PPARGC1B: variants seen among roughly 807,000 people sequenced by gnomAD.
PPARGC1B encodes the protein peroxisome proliferator-activated receptor gamma coactivator 1-beta.
Under a neutral mutation model 101.6 loss-of-function variants are expected in PPARGC1B, and 34 were observed. The observed-to-expected ratio is 0.33, with a 90% confidence interval of 0.25 to 0.45. PPARGC1B has a LOEUF of 0.45. PPARGC1B is among the 20% of genes least tolerant of loss of function. The pLI is 1.00. For missense variants in PPARGC1B, 1,234 were observed against 1,317.6 expected, an observed-to-expected ratio of 0.94 and a Z score of 0.98; for synonymous variants, 548 against 539.3, an observed-to-expected ratio of 1.02 and a Z score of -0.22.
intron 1 of PPARGC1B, among the ~76,000 whole-genome samples, chr5:149,804,760 C>T (rs2113301380): frequency 6.6e-6 from 1 of 152,302 alleles, no homozygotes; most frequent in Middle Eastern, 3.4e-3. Flanking sequence ...TGCGACTGAA[C>T]AGTGGGAAGG....
chr5:149,847,335 C>A, intron 11 of PPARGC1B, 123 bp from the exon 12 acceptor site: 1 of 808,850 alleles, frequency 1.2e-6, no homozygotes, highest in South Asian at 1.3e-5. Flanking sequence ...CCCAGCTCCC[C>A]AAGGCCTTGG....
At chr5:149,743,307 C>G (rs1433979438) in intron 1 of PPARGC1B, among the ~76,000 whole-genome samples, 3 of 151,984 alleles carry the variant, frequency 2.0e-5, no homozygotes, top group African/African-American at 7.2e-5. Context: ...AGACGCCCAC[C>G]ACCACGCCTG....
Position 149,836,813 on chromosome 5 carries a change from T to A in PPARGC1B, c.2358T>A (p.Pro786=). The A allele has an allele frequency of 1.2e-6, 2 of 1,613,456 alleles. No individual in the cohort carries two copies. Among genetic ancestry groups the A allele is most frequent in the Non-Finnish European group, 1.7e-6 (2 of 1,180,006 alleles). ...EEEDLASCKS[P]EYDTVFEDSS... is the part of the protein sequence containing the mutation. Reference sequence around the variant, plus strand: ...AAGACCTGGCCTCCTGCAAGAGCCCTGAGTATGACACTGTCTTTGAAGACA... The same window carrying A: ...AAGACCTGGCCTCCTGCAAGAGCCCAGAGTATGACACTGTCTTTGAAGACA... Residue 786 remains proline, a synonymous_variant, in exon 8 of 12, where the codon CCT becomes CCA. Coordinates refer to ENST00000309241, the MANE Select transcript of PPARGC1B (RefSeq NM_133263.4).
rs574975315 is a variant in PPARGC1B, at chr5:149,806,329, G to T, written c.79-14104G>T. On this transcript the variant is annotated intron_variant, in intron 1 of 11. Coordinates refer to ENST00000309241, the MANE Select transcript of PPARGC1B (RefSeq NM_133263.4). ...TGAAGGTGTGCACTGGCATCTTGCTGCCCTGTTGAGCATGACATTTCCTTA... is the reference window on the plus strand; with the variant it reads ...TGAAGGTGTGCACTGGCATCTTGCTTCCCTGTTGAGCATGACATTTCCTTA... Among the ~76,000 whole-genome samples the T allele has an allele frequency of 3.3e-5, 5 of 152,336 alleles. No individual in the cohort carries two copies. In the South Asian group the frequency reaches 6.2e-4, roughly 19 times the overall value.
intron 1 of PPARGC1B, among the ~76,000 whole-genome samples, chr5:149,807,628 C>T (rs1160962610): frequency 6.6e-6 from 1 of 152,166 alleles, no homozygotes; most frequent in Non-Finnish European, 1.5e-5. Context: ...TTTTGTAACT[C>T]ACCTCAAAGC....
Position 149,773,858 on chromosome 5 carries a change from ACT to A in PPARGC1B, c.78+43442_78+43443del, listed in dbSNP as rs751442881. Among the ~76,000 whole-genome samples the A allele has an allele frequency of 9.2e-4, 139 of 150,998 alleles. 1 individual carries two copies. The highest frequency in any genetic ancestry group is 1.7e-3 in the Non-Finnish European group (118 of 67,684). ...GAACTGGCTGCCCAGCGTGTTGGTG[ACT>A]CTCATGAGAACTGGGGACTGTGGGC... On this transcript the variant is annotated intron_variant, in intron 1 of 11. Transcript: ENST00000309241.
intron 1 of PPARGC1B, among the ~76,000 whole-genome samples, chr5:149,812,541 A>G (rs969868437): frequency 6.6e-6 from 1 of 152,196 alleles, no homozygotes; most frequent in African/African-American, 2.4e-5. Flanking sequence ...CACTCCCATA[A>G]CTGGAGCACA....
At chr5:149,813,429 A>C (rs1757935487) in intron 1 of PPARGC1B, among the ~76,000 whole-genome samples, 1 of 152,216 alleles carries the variant, frequency 6.6e-6, no homozygotes, top group Non-Finnish European at 1.5e-5. Context: ...TCTGGCTGGC[A>C]GGGCAAGATC....
chr5:149,835,303 A>G lies in PPARGC1B; in HGVS notation c.1745A>G (p.Asp582Gly). 6.2e-7 allele frequency: 1 copy of G among 1,614,058 alleles called. No homozygotes were observed. Among genetic ancestry groups the G allele is most frequent in the Non-Finnish European group, 8.5e-7 (1 of 1,180,000 alleles). Reference sequence around the variant, plus strand: ...TCTGTCCTCCCTGCCTCCACCAGCGACCCAACTTTTGGCAAGAAGAGCTTT... The same window carrying G: ...TCTGTCCTCCCTGCCTCCACCAGCGGCCCAACTTTTGGCAAGAAGAGCTTT... Reference protein sequence around the residue: ...RCLMLALSQSDPTFGKKSFEQ... With the variant: ...RCLMLALSQSGPTFGKKSFEQ... Residue 582 changes from aspartate to glycine, a missense_variant and splice_region_variant, in exon 7 of 12, where the codon GAC becomes GGC. Physicochemically the swap from Asp to Gly is moderately conservative, Grantham distance 94 (BLOSUM62 -1). Transcript: ENST00000309241.
rs551977125 is a variant in PPARGC1B, at chr5:149,772,496, T to C, written c.78+42076T>C. ...ACTTACACCAGAGAAATGGATTTTCTCACAATTCTGAAGGCCAGAAGTCTA... is the reference window on the plus strand; with the variant it reads ...ACTTACACCAGAGAAATGGATTTTCCCACAATTCTGAAGGCCAGAAGTCTA... On this transcript the variant is annotated intron_variant, in intron 1 of 11. Coordinates refer to ENST00000309241, the MANE Select transcript of PPARGC1B (RefSeq NM_133263.4). 1.9e-3 allele frequency among the ~76,000 whole-genome samples: 291 copies of C among 152,174 alleles called. 5 individuals carry two copies. The highest frequency in any genetic ancestry group is 3.3e-3 in the Non-Finnish European group (224 of 68,036).
intron 1 of PPARGC1B, among the ~76,000 whole-genome samples, chr5:149,747,163 C>A (rs528291629): frequency 6.6e-6 from 1 of 152,270 alleles, no homozygotes; most frequent in Admixed American, 6.5e-5. Flanking sequence ...TCTAAGAAAT[C>A]ATTTTCAAAC....
At position 149,832,408 on chromosome 5, in the gene PPARGC1B, A is replaced by G. The variant is rs1353965818; in HGVS notation, c.583-248A>G. On this transcript the variant is annotated intron_variant, in intron 4 of 11. Transcript: ENST00000309241. This position sits in a 1 kb window ranked among gnomAD's most constrained non-coding sequence, Gnocchi z 4.9. The stretch of plus-strand genomic sequence containing the variant: ...GTGGGGCTTTGTCAGTGAATCTGGA[A>G]GGGTCTGCAGGGGCGAAATTCCATG... Among the ~76,000 whole-genome samples the G allele has an allele frequency of 6.6e-6, 1 of 152,068 alleles. No homozygotes were observed. Among genetic ancestry groups the G allele is most frequent in the Non-Finnish European group, 1.5e-5 (1 of 68,016 alleles).
chr5:149,843,699 C>T (rs1302806324), intron 10 of PPARGC1B, among the ~76,000 whole-genome samples: 1 of 152,176 alleles, frequency 6.6e-6, no homozygotes, highest in Admixed American at 6.5e-5. Context: ...CACCCAAGCT[C>T]ATAACGACAT....
rs1759526319 is a variant in PPARGC1B at position 149,845,763 on chromosome 5, C to T, written c.2820C>T (p.Gly940=). The part of the protein sequence containing the change: ...ECEVLTRNRR[G]EKYGFITYRC... ...TCTCCTTGCTCCCTCCCCGCAGAGG[C>T]GAGAAGTACGGCTTCATCACCTACC... Residue 940 remains glycine (G), a synonymous_variant, in exon 11 of 12, where the codon GGC becomes GGT. Transcript: ENST00000309241. 6.2e-6 allele frequency: 10 copies of T among 1,607,928 alleles called. No homozygotes were observed. The Middle Eastern group carries it at 5.1e-4, about 82-fold the overall frequency.
intron 1 of PPARGC1B, among the ~76,000 whole-genome samples, chr5:149,814,134 C>G (rs911164143): frequency 6.6e-6 from 1 of 152,128 alleles, no homozygotes; most frequent in Admixed American, 6.5e-5. Context: ...CCCTAGGAGG[C>G]AGGATTGTTT....
At chr5:149,786,539 G>A (rs938874484) in intron 1 of PPARGC1B, among the ~76,000 whole-genome samples, 5 of 152,172 alleles carry the variant, frequency 3.3e-5, no homozygotes, top group Non-Finnish European at 7.3e-5. Context: ...GCCCAGCCTC[G>A]TGACACTTAT....
At chr5:149,774,091 G>T (rs1756256976) in intron 1 of PPARGC1B, among the ~76,000 whole-genome samples, 1 of 152,194 alleles carries the variant, frequency 6.6e-6, no homozygotes, top group African/African-American at 2.4e-5. Context: ...ACTTGTCCTG[G>T]GTCCCCCTTT....
At chr5:149,764,145 C>T (rs527310679) in intron 1 of PPARGC1B, among the ~76,000 whole-genome samples, 2 of 150,282 alleles carry the variant, frequency 1.3e-5, no homozygotes, top group African/African-American at 4.8e-5. Flanking sequence ...TATTTGAGTC[C>T]TTCTGCATTC....
At chr5:149,781,951 A>C (rs958882782) in intron 1 of PPARGC1B, among the ~76,000 whole-genome samples, 3 of 152,194 alleles carry the variant, frequency 2.0e-5, no homozygotes, top group African/African-American at 7.2e-5. Flanking sequence ...ATTCCTGGTC[A>C]GTACCAAGCA....
Sources: gnomAD v4.1 joint callset for allele counts (sites outside exome capture counted in the v4.1 genomes callset) on GRCh38, gnomAD v4.1.1 for gene constraint, Gnocchi (gnomAD v3.1) non-coding constraint, MANE v1.5 for transcripts, NCBI Gene and HGNC (gene_info 2026-07-23, HGNC 2026-07-21) for gene names.